The following CUX1 variants were observed in gnomAD, a reference collection of about 807,000 sequenced individuals.
CUX1 encodes cut like homeobox 1.
In CUX1, 31 loss-of-function variants were observed where a neutral mutation model predicts 158.8. The ratio of observed to expected loss-of-function variants is 0.20; its 90% CI spans 0.15 to 0.26. The LOEUF (loss-of-function observed/expected upper bound fraction) is 0.26, where lower values mean the gene tolerates loss of function less well. Ranked by LOEUF, CUX1 falls within the 10% of genes least tolerant of loss-of-function variation. The pLI, the probability that CUX1 is intolerant of heterozygous loss-of-function variation, is 1.00. For synonymous variants in CUX1, 879 were observed against 862.1 expected (o/e 1.02, Z -0.34); for missense variants, 1,589 against 2,014.6 (o/e 0.79, Z 4.04).
intron 22 of CUX1, chr7:102,282,861 C>A (rs115862304): frequency 1.1e-6 from 1 of 922,136 alleles, no homozygotes; most frequent in Non-Finnish European, 1.6e-6. Context: ...TGCCTCATGT[C>A]CCCCACTCCT....
At chr7:102,160,802 AGTT>A (rs1266744766) in intron 9 of CUX1, among the ~76,000 whole-genome samples, 1 of 152,148 alleles carries the variant, frequency 6.6e-6, no homozygotes, top group Non-Finnish European at 1.5e-5. Flanking sequence ...GGAAATACGA[AGTT>A]GTTGTTAAAT....
At chr7:101,848,444 C>G (rs374156858) in intron 1 of CUX1, among the ~76,000 whole-genome samples, 1 of 152,176 alleles carries the variant, frequency 6.6e-6, no homozygotes, top group African/African-American at 2.4e-5. Flanking sequence ...AACTTCCTAC[C>G]GCGAGGAGAA....
rs1186142288 is a variant in CUX1 at position 102,248,786 on chromosome 7, C to G, written c.4262C>G (p.Ala1421Gly). The change falls in exon 24 of 24, where the codon GCT becomes GGT. Residue 1421 changes from alanine to glycine, a missense_variant. Physicochemically the swap from Ala to Gly is moderately conservative, Grantham distance 60. This residue lies in a region of CUX1 where 344 missense variants were observed against 323.7 expected (regional missense o/e 1.06). Coordinates refer to ENST00000292535, the MANE Select transcript of CUX1 (RefSeq NM_181552.4). The surrounding 1 kb of genome is among the most constrained non-coding windows in gnomAD (Gnocchi z 5.8). ...TAAPAAPEDA[A>G]TSAAAAPGEG... Reference sequence around the variant, plus strand: ...GCGCCCGCGGCCCCCGAGGACGCCGCTACCTCAGCCGCCGCCGCGCCGGGG... The same window carrying G: ...GCGCCCGCGGCCCCCGAGGACGCCGGTACCTCAGCCGCCGCCGCGCCGGGG... The G allele has an allele frequency of 9.4e-7, 1 of 1,065,192 alleles. No individual in the cohort carries two copies. The highest frequency in any genetic ancestry group is 1.1e-6 in the Non-Finnish European group (1 of 880,384). The allele number at this position is 1,065,192 out of a possible 1,614,324, so 66.0% of individuals were successfully genotyped here. A position where few individuals can be genotyped will look rare whatever the true frequency, so the allele number is the denominator to read the frequency against.
At chr7:102,212,809 G>A (rs753107321) in intron 20 of CUX1, among the ~76,000 whole-genome samples, 24 of 152,126 alleles carry the variant, frequency 1.6e-4, no homozygotes, top group Non-Finnish European at 1.0e-4. Flanking sequence ...ACACACCGTG[G>A]AGACCTTCCT....
At chr7:102,100,218 C>T (rs1829633528) in intron 5 of CUX1, among the ~76,000 whole-genome samples, 1 of 152,126 alleles carries the variant, frequency 6.6e-6, no homozygotes, top group South Asian at 2.1e-4. Flanking sequence ...GTGGAGGTTG[C>T]AGTGAGCTAA....
chr7:101,876,478 C>T lies in CUX1; in HGVS notation c.31-39637C>T, dbSNP rs532937604. On this transcript the variant is annotated intron_variant, in intron 1 of 23. Coordinates refer to ENST00000292535, the MANE Select transcript of CUX1 (RefSeq NM_181552.4). ...TTGGGAGGCCAAGGCAGGCGGATCA[C>T]GAGATCAGGAGATCGAGACCATCCT... Among the ~76,000 whole-genome samples the T allele has an allele frequency of 6.6e-5, 10 of 151,886 alleles. No homozygotes were observed. The South Asian group carries it at 8.3e-4, about 13-fold the overall frequency.
chr7:102,112,828 C>G (rs546894990), intron 7 of CUX1, among the ~76,000 whole-genome samples: 1 of 152,282 alleles, frequency 6.6e-6, no homozygotes, highest in Admixed American at 6.5e-5. Context: ...CACCCAGCCT[C>G]TCTTTTTTAT....
intron 2 of CUX1, among the ~76,000 whole-genome samples, chr7:102,000,629 T>C (rs1816578878): frequency 6.6e-6 from 1 of 152,092 alleles, no homozygotes; most frequent in African/African-American, 2.4e-5. Context: ...TTGTGCAGAA[T>C]TGCTTAATGT....
At chr7:102,105,130 A>G (rs1429524023) in intron 6 of CUX1, among the ~76,000 whole-genome samples, 1 of 151,874 alleles carries the variant, frequency 6.6e-6, no homozygotes, top group East Asian at 1.9e-4. Flanking sequence ...GCCCTGGGCT[A>G]GTGCTAAACT....
intron 1 of CUX1, among the ~76,000 whole-genome samples, chr7:101,878,698 A>C (rs62463731): frequency 0.2 from 30,296 of 151,884 alleles, 3,852 homozygotes; most frequent in Non-Finnish European, 0.28. Context: ...TTTAAGAGAC[A>C]GAGTTTCACT....
In CUX1 at chr7:102,253,624, C is replaced by T; in HGVS notation, c.*4582C>T. The T allele has an allele frequency of 1.0e-6, 1 of 985,440 alleles. No individual in the cohort carries two copies. The highest frequency in any genetic ancestry group is 1.2e-6 in the Non-Finnish European group (1 of 829,944). The allele number at this position is 985,440 out of a possible 1,614,324, so 61.0% of individuals were successfully genotyped here. On this transcript the variant is annotated 3_prime_UTR_variant, in exon 24 of 24. Transcript: ENST00000292535. ...CAGAGCCAGGGGAACAGACGCATGT[C>T]CTTCTGGGAGTCACACAAAAGCAGA...
chr7:102,239,595 T>A lies in CUX1; in HGVS notation c.3887+11T>A. On this transcript the variant is annotated intron_variant, in intron 23 of 23. Coordinates refer to ENST00000292535, the MANE Select transcript of CUX1 (RefSeq NM_181552.4). The stretch of plus-strand genomic sequence containing the variant: ...GTTCCACAACTACAGGTACGACGGC[T>A]GGCTCACAGGGAGCGCCGGTCGGCC... 6.2e-7 allele frequency: 1 copy of A among 1,606,954 alleles called. No individual in the cohort carries two copies. Among genetic ancestry groups the A allele is most frequent in the African/African-American group, 1.3e-5 (1 of 74,874 alleles).
At chr7:102,062,812 AT>A (rs1825067607) in intron 3 of CUX1, among the ~76,000 whole-genome samples, 1 of 151,162 alleles carries the variant, frequency 6.6e-6, no homozygotes, top group African/African-American at 2.4e-5. Context: ...TTGTCTTTAA[AT>A]GTAACACTTA....
chr7:101,817,248 G>C, upstream of CUX1: 1 of 984,752 alleles, frequency 1.0e-6, no homozygotes, highest in Non-Finnish European at 1.2e-6. The surrounding 1 kb of genome is among the most constrained non-coding windows in gnomAD (Gnocchi z 4.1). Flanking sequence ...ATCGCCGCGC[G>C]CCTGGGGGCT....
At chr7:101,856,493 A>C (rs1031089947) in intron 1 of CUX1, among the ~76,000 whole-genome samples, 1 of 152,230 alleles carries the variant, frequency 6.6e-6, no homozygotes, top group Non-Finnish European at 1.5e-5. Context: ...CTTTACAGAA[A>C]GATGAATTTT....
chr7:101,936,866 G>A (rs1291559589), intron 2 of CUX1, among the ~76,000 whole-genome samples: 1 of 152,222 alleles, frequency 6.6e-6, no homozygotes, highest in Non-Finnish European at 1.5e-5. Context: ...GCACGCAGGA[G>A]CTCCCCCGTG....
intron 1 of CUX1, among the ~76,000 whole-genome samples, chr7:101,858,621 G>A (rs1395836178): frequency 6.7e-6 from 1 of 149,720 alleles, no homozygotes; most frequent in Non-Finnish European, 1.5e-5. Context: ...AGCTGTGGTG[G>A]TTTAGTGAGG....
chr7:101,853,587 GTGT>G (rs768773031), intron 1 of CUX1, among the ~76,000 whole-genome samples: 17 of 69,708 alleles, frequency 2.4e-4, no homozygotes, highest in African/African-American at 5.7e-4. Flanking sequence ...TAGAAAGGGT[GTGT>G]GTGTGTGTGT....
chr7:101,821,851 TTTTTTG>T (rs1792652601), intron 1 of CUX1, among the ~76,000 whole-genome samples: 1 of 138,118 alleles, frequency 7.2e-6, no homozygotes, highest in African/African-American at 2.8e-5. Flanking sequence ...GTTTTTTTGT[TTTTTTG>T]TTTTTTTTTT....
Sources: gnomAD v4.1 joint callset for allele counts (sites outside exome capture counted in the v4.1 genomes callset) on GRCh38, gnomAD v4.1.1 for gene constraint, gnomAD v4.1.1 regional missense constraint, Gnocchi (gnomAD v3.1) non-coding constraint, MANE v1.5 for transcripts, NCBI Gene and HGNC (gene_info 2026-07-23, HGNC 2026-07-21) for gene names.